The following LLGL2 variants were observed in gnomAD, a reference collection of about 807,000 sequenced individuals.
The protein encoded by LLGL2 is LLGL2, scribble cell polarity complex component.
Under a neutral mutation model 123.2 loss-of-function variants are expected in LLGL2, and 81 were observed. The observed-to-expected ratio is 0.66, with a 90% confidence interval of 0.55 to 0.79. The LOEUF (loss-of-function observed/expected upper bound fraction) is 0.79, where lower values mean the gene tolerates loss of function less well. Among genes scored for constraint, LLGL2 ranks in the 30% least tolerant of loss-of-function variants. LLGL2 has a pLI of 0.00. For missense variants in LLGL2, 1,273 were observed against 1,414.6 expected, an observed-to-expected ratio of 0.90 and a Z score of 1.61; for synonymous variants, 577 against 594.1, an observed-to-expected ratio of 0.97 and a Z score of 0.42.
intron 3 of LLGL2, 77 bp downstream of exon 3, chr17:75,556,220 C>A: frequency 8.7e-7 from 1 of 1,151,408 alleles, no homozygotes; most frequent in Non-Finnish European, 1.3e-6. Context: ...TCTTTTCCTT[C>A]CTTGCCCGTG....
Position 75,572,900 on chromosome 17 carries a change from A to G in LLGL2, c.2461-114A>G. On this transcript the variant is annotated intron_variant, in intron 19 of 25. Coordinates refer to ENST00000392550, the MANE Select transcript of LLGL2 (RefSeq NM_001031803.2). ...GGCCATGTCTGTGCATCTGAGAGCC[A>G]AGGGTTTGTCAGGACACCGGGAGGC... The G allele has an allele frequency of 3.1e-6, 4 of 1,293,228 alleles. No individual in the cohort carries two copies. The South Asian group carries it at 5.7e-5, about 18-fold the overall frequency. The allele number at this position is 1,293,228 out of a possible 1,614,324, so 80.1% of individuals were successfully genotyped here.
intron 1 of LLGL2, among the ~76,000 whole-genome samples, chr17:75,530,465 A>G (rs2147078844): frequency 6.6e-6 from 1 of 152,286 alleles, no homozygotes; most frequent in Middle Eastern, 3.4e-3. Flanking sequence ...CCTGGCTAGC[A>G]CAGTGAAAAC....
chr17:75,557,904 T>G, intron 3 of LLGL2: 2 of 541,872 alleles, frequency 3.7e-6, no homozygotes. Flanking sequence ...GCTTCGCCTT[T>G]CTATGGAGTT....
intron 17 of LLGL2, 44 bp from the exon 18 acceptor site, chr17:75,571,623 C>A: frequency 6.8e-7 from 1 of 1,465,154 alleles, no homozygotes; most frequent in Non-Finnish European, 9.5e-7. Flanking sequence ...CTCCACCCGA[C>A]TCCCACGCTA....
At chr17:75,562,447 G>T (rs1234063631) in intron 6 of LLGL2, 1 of 155,704 alleles carries the variant, frequency 6.4e-6, no homozygotes, top group Non-Finnish European at 1.4e-5. Context: ...TTTTCCAGAA[G>T]TCACTGCCTT....
intron 2 of LLGL2, among the ~76,000 whole-genome samples, chr17:75,550,586 A>G (rs2054621124): frequency 6.6e-6 from 1 of 151,994 alleles, no homozygotes; most frequent in African/African-American, 2.4e-5. Context: ...GGAGTTCGAG[A>G]CCAGCCTGGG....
At chr17:75,552,421 G>A (rs369262132) in intron 2 of LLGL2, among the ~76,000 whole-genome samples, 6 of 152,190 alleles carry the variant, frequency 3.9e-5, no homozygotes, top group African/African-American at 9.7e-5. Flanking sequence ...CCAGGGAGGC[G>A]GAGGTTGCAG....
rs1027358585 is a variant in LLGL2, at chr17:75,575,052, G to A, written c.*174G>A. The A allele has an allele frequency of 3.7e-5, 32 of 854,038 alleles. No homozygotes were observed. The highest frequency in any genetic ancestry group is 2.6e-4 in the Middle Eastern group (1 of 3,906). 52.9% of individuals were successfully genotyped at this position (854,038 alleles called of 1,614,324 possible). The stretch of plus-strand genomic sequence containing the variant: ...GGGAGAGGAGAGACCCCAGTCCCCT[G>A]GGCTGCCCTTCCCGGGCCTCGTCTG... On this transcript the variant is annotated 3_prime_UTR_variant, in exon 26 of 26. Coordinates refer to ENST00000392550, the MANE Select transcript of LLGL2 (RefSeq NM_001031803.2).
intron 6 of LLGL2, 87 bp from the exon 7 acceptor site, chr17:75,562,929 G>T: frequency 1.3e-6 from 2 of 1,517,192 alleles, no homozygotes; most frequent in Non-Finnish European, 1.8e-6. Context: ...AGCCACCTCT[G>T]CATAGGGAGC....
rs1215743261 is a variant in LLGL2 at position 75,564,499 on chromosome 17, C to G, written c.1028C>G (p.Pro343Arg). 1 of 1,613,108 alleles carries G rather than the reference C, an allele frequency of 6.2e-7. No homozygotes were observed. The highest frequency in any genetic ancestry group is 8.5e-7 in the Non-Finnish European group (1 of 1,179,984). Reference sequence around the variant, plus strand: ...TTCACTGTCCTCACAGAGGCAGACCCTGCAGCCAGTAGGAGAGCTTCGGGA... The same window carrying G: ...TTCACTGTCCTCACAGAGGCAGACCGTGCAGCCAGTAGGAGAGCTTCGGGA... ...IGFTVLTEAD[P>R]AATFDDPYAL... The change falls in exon 10 of 26, where the codon CCT becomes CGT. Residue 343 changes from proline (P) to arginine (R), a missense_variant. Coordinates refer to ENST00000392550, the MANE Select transcript of LLGL2 (RefSeq NM_001031803.2). This position sits in a 1 kb window ranked among gnomAD's most constrained non-coding sequence, Gnocchi z 4.9.
chr17:75,570,877 C>G, intron 16 of LLGL2, 73 bp from the exon 17 acceptor site: 2 of 1,507,924 alleles, frequency 1.3e-6, no homozygotes, highest in Non-Finnish European at 1.8e-6. Flanking sequence ...ATGCAAGGAT[C>G]AGCACTGAGC....
chr17:75,529,317 A>C (rs974174643), intron 1 of LLGL2, among the ~76,000 whole-genome samples: 5 of 151,446 alleles, frequency 3.3e-5, no homozygotes, highest in Non-Finnish European at 7.4e-5. Context: ...CTGCCTCAGC[A>C]TCCTGAGTAG....
In LLGL2 at chr17:75,559,224, G is replaced by A. The variant is rs772530615; in HGVS notation, c.372-28G>A. On this transcript the variant is annotated intron_variant, in intron 5 of 25. Transcript: ENST00000392550. This position sits in a 1 kb window ranked among gnomAD's most constrained non-coding sequence, Gnocchi z 4.6. ...GCATCTCCCCTGCTGGGCAGTGGTC[G>A]GCTCACGGGCAGCTGTTCTTGTCAC... 65 of 1,561,034 alleles carry A rather than the reference G, an allele frequency of 4.2e-5. No homozygotes were observed. In the South Asian group the frequency reaches 4.3e-4, roughly 10 times the overall value.
At position 75,558,943 on chromosome 17, in the gene LLGL2, C is replaced by T. The variant is rs111411259; in HGVS notation, c.372-309C>T. The T allele has an allele frequency of 7.3e-6, 3 of 411,232 alleles. No homozygotes were observed. The highest frequency in any genetic ancestry group is 2.7e-5 in the African/African-American group (1 of 36,506). The allele number at this position is 411,232 out of a possible 1,614,324, so 25.5% of individuals were successfully genotyped here. ...CGCACCCCACCTCCTCCATCCGCAC[C>T]CCGCCTCCTCCATCCGCACCCCGCC... is the stretch of plus-strand genomic sequence containing the variant. On this transcript the variant is annotated intron_variant, in intron 5 of 25. Transcript: ENST00000392550. This position sits in a 1 kb window ranked among gnomAD's most constrained non-coding sequence, Gnocchi z 4.0.
chr17:75,529,942 C>G, intron 1 of LLGL2, among the ~76,000 whole-genome samples: 1 of 152,198 alleles, frequency 6.6e-6, no homozygotes, highest in East Asian at 1.9e-4. Context: ...CGTTCTTTGC[C>G]GAGTCCTTGC....
At chr17:75,562,425 C>T (rs917902137) in intron 6 of LLGL2, 1 of 155,986 alleles carries the variant, frequency 6.4e-6, no homozygotes, top group Non-Finnish European at 1.4e-5. Flanking sequence ...TCCCTCTTGC[C>T]CCCACATTGA....
At position 75,573,619 on chromosome 17, in the gene LLGL2, C is replaced by T. The variant is rs200046748; in HGVS notation, c.2864C>T (p.Pro955Leu). 11 of 1,582,900 alleles carry T rather than the reference C, an allele frequency of 6.9e-6. No individual in the cohort carries two copies. The East Asian group carries it at 7.0e-5, about 10-fold the overall frequency. The change falls in exon 21 of 26, where the codon CCG (proline) becomes CTG (leucine). Residue 955 changes from proline (P) to leucine (L), a missense_variant. By Grantham distance (98) the Pro-to-Leu change is moderately conservative (BLOSUM62 -3). Coordinates refer to ENST00000392550, the MANE Select transcript of LLGL2 (RefSeq NM_001031803.2). ...PGNGAGPKKA[P>L]SRARNSGTQS... ...AACGGTGCGGGCCCCAAGAAGGCCC[C>T]GAGCCGAGCCAGGTGAGTGAAAGGG...
chr17:75,558,575 G>A lies in LLGL2; in HGVS notation c.319G>A (p.Gly107Arg), dbSNP rs370768544. The change falls in exon 5 of 26, where the codon GGG becomes AGG. Residue 107 changes from glycine (G) to arginine (R), a missense_variant. Gly to Arg is a moderately radical substitution (Grantham distance 125). Transcript: ENST00000392550. This position sits in a 1 kb window ranked among gnomAD's most constrained non-coding sequence, Gnocchi z 4.0. Reference sequence around the variant, plus strand: ...CCTTTGGAGCCTGAAGGTCAAGGGCGGGGCATCGGAGCTGCAGGAGGATGA... The same window carrying A: ...CCTTTGGAGCCTGAAGGTCAAGGGCAGGGCATCGGAGCTGCAGGAGGATGA... The part of the protein sequence containing the change: ...LHLWSLKVKG[G>R]ASELQEDESF... 3.7e-5 allele frequency: 60 copies of A among 1,611,542 alleles called. No homozygotes were observed. Among genetic ancestry groups the A allele is most frequent in the Non-Finnish European group, 4.6e-5 (54 of 1,179,130 alleles).
rs759922866 is a variant in LLGL2, at chr17:75,564,571, G to A, written c.1036+64G>A. 16 of 1,597,720 alleles carry A rather than the reference G, an allele frequency of 1.0e-5. No homozygotes were observed. In the East Asian group the frequency reaches 3.1e-4, roughly 31 times the overall value. On this transcript the variant is annotated intron_variant, in intron 10 of 25. Coordinates refer to ENST00000392550, the MANE Select transcript of LLGL2 (RefSeq NM_001031803.2). This position sits in a 1 kb window ranked among gnomAD's most constrained non-coding sequence, Gnocchi z 4.9. ...TGGGAGGCATGGGGCAGGACCATCA[G>A]TAAAGACAGGGCCAGGTGCAGTGGC... is the stretch of plus-strand genomic sequence containing the variant.
Sources: gnomAD v4.1 joint callset for allele counts (sites outside exome capture counted in the v4.1 genomes callset) on GRCh38, gnomAD v4.1.1 for gene constraint, Gnocchi (gnomAD v3.1) non-coding constraint, MANE v1.5 for transcripts, NCBI Gene and HGNC (gene_info 2026-07-23, HGNC 2026-07-21) for gene names.